HPS1: variants seen among roughly 807,000 people sequenced by gnomAD.
HPS1 encodes BLOC-3 complex member HPS1.
In HPS1, 59 loss-of-function variants were observed where a neutral mutation model predicts 90.6. That is an observed-to-expected ratio of 0.65 (90% CI 0.53 to 0.81). HPS1 has a LOEUF of 0.81. HPS1 is among the 30% of genes least tolerant of loss of function. The pLI is 0.00. For synonymous variants in HPS1, 388 were observed against 384.4 expected (o/e 1.01, Z -0.11); for missense variants, 849 against 896.7 (o/e 0.95, Z 0.68).
chr10:98,427,813 T>C (rs1446803614), intron 10 of HPS1, among the ~76,000 whole-genome samples: 4 of 152,246 alleles, frequency 2.6e-5, no homozygotes, highest in Non-Finnish European at 5.9e-5. Flanking sequence ...GTGTCTGTAA[T>C]AATACTGTTA....
At chr10:98,422,660 T>A in intron 16 of HPS1, 147 bp from the exon 17 acceptor site, 1 of 803,890 alleles carries the variant, frequency 1.2e-6, no homozygotes, top group Non-Finnish European at 2.1e-6. Context: ...GCCCCCTGTA[T>A]CCTTGCTTCC....
rs200614367 is a variant in HPS1 at position 98,434,140 on chromosome 10, T to TC, written c.399-50dup. 1.2e-3 allele frequency: 1,875 copies of TC among 1,526,808 alleles called. 12 individuals carry two copies. In the African/African-American group the frequency reaches 0.02, roughly 16 times the overall value. The allele number at this position is 1,526,808 out of a possible 1,614,324, so 94.6% of individuals were successfully genotyped here. ...GGGAGAGATCACAAGAAAGCTGGTC[T>TC]CCCCCACACCCAACCAAAGGACCAC... is the stretch of plus-strand genomic sequence containing the variant. On this transcript the variant is annotated intron_variant, in intron 5 of 19. Coordinates refer to ENST00000361490, the MANE Select transcript of HPS1 (RefSeq NM_000195.5).
chr10:98,419,547 C>T (rs1844580823), intron 18 of HPS1, among the ~76,000 whole-genome samples: 1 of 152,232 alleles, frequency 6.6e-6, no homozygotes, highest in East Asian at 1.9e-4. Context: ...TCTGCAGTAA[C>T]AGTGAGGCCC....
At chr10:98,427,126 C>T in intron 11 of HPS1, 89 bp downstream of exon 11, 3 of 1,126,050 alleles carry the variant, frequency 2.7e-6, no homozygotes, top group Admixed American at 2.0e-5. Context: ...CGGGTAGAGT[C>T]ACCCTGGAGG....
At chr10:98,432,848 T>G (rs1255217508) in intron 6 of HPS1, among the ~76,000 whole-genome samples, 1 of 152,216 alleles carries the variant, frequency 6.6e-6, no homozygotes, top group Non-Finnish European at 1.5e-5. Context: ...AGTTCACGTT[T>G]GTTTGATCTT....
In HPS1 at chr10:98,427,262, T is replaced by C. The variant is rs979661361; in HGVS notation, c.940A>G (p.Ser314Gly). 7.1e-6 allele frequency: 11 copies of C among 1,550,884 alleles called. No homozygotes were observed. The highest frequency in any genetic ancestry group is 5.9e-5 in the Admixed American group (3 of 50,984). The change falls in exon 11 of 20, where the codon AGC becomes GGC. Residue 314 changes from serine to glycine, a missense_variant and splice_region_variant. Coordinates refer to ENST00000361490, the MANE Select transcript of HPS1 (RefSeq NM_000195.5). ...GTGCCCCCCTCCAGCCAGATGGTGCTACCTGCAGGCCACAGGTAATAACAT... is the reference window on the plus strand; with the variant it reads ...GTGCCCCCCTCCAGCCAGATGGTGCCACCTGCAGGCCACAGGTAATAACAT... ...APSPGDQSSG[S>G]TIWLEGGTPP...
In HPS1 at chr10:98,434,602, T is replaced by A. The variant is rs558844540; in HGVS notation, c.399-511A>T. 3.9e-5 allele frequency among the ~76,000 whole-genome samples: 6 copies of A among 152,006 alleles called. No individual in the cohort carries two copies. The South Asian group carries it at 1.3e-3, about 32-fold the overall frequency. On this transcript the variant is annotated intron_variant, in intron 5 of 19. Transcript: ENST00000361490. ...TTTGTGCATTTGAGAAATGCCTCAA[T>A]ATGGGTAGTTGCTCATATCGCCACA...
At chr10:98,444,062 A>G (rs1938983387) in intron 2 of HPS1, among the ~76,000 whole-genome samples, 1 of 151,430 alleles carries the variant, frequency 6.6e-6, no homozygotes, top group South Asian at 2.1e-4. Context: ...AAACAAACAA[A>G]CAAACAAAAA....
At chr10:98,422,218 C>T (rs1344822734) in intron 17 of HPS1, 151 bp downstream of exon 17, 23 of 773,484 alleles carry the variant, frequency 3.0e-5, no homozygotes, top group South Asian at 2.5e-4. Flanking sequence ...AAATACTTGT[C>T]GAGCATTTAT....
Position 98,425,554 on chromosome 10 carries a change from GC to G in HPS1, c.1321del (p.Ala441HisfsTer34). ...RMDKFVKNRG[A>X]QEIQSTWLEF... ...CTTGGGTCTCACCTGAATCTCCTGT[GC>G]CCCTCGATTCTTGACAAACTTGTCC... On this transcript the variant is annotated frameshift_variant, in exon 13 of 20. Transcript: ENST00000361490. LOFTEE classifies it high-confidence loss of function. 6.2e-7 allele frequency: 1 copy of G among 1,611,296 alleles called. No homozygotes were observed. Among genetic ancestry groups the G allele is most frequent in the Non-Finnish European group, 8.5e-7 (1 of 1,178,910 alleles).
In HPS1 at chr10:98,424,393, G is replaced by A; in HGVS notation, c.1336-19C>T. The A allele has an allele frequency of 6.2e-7, 1 of 1,608,928 alleles. No individual in the cohort carries two copies. Among genetic ancestry groups the A allele is most frequent in the East Asian group, 2.2e-5 (1 of 44,836 alleles). Reference sequence around the variant, plus strand: ...AGGTGCTCTGGAAGGAAGACAGGGGGCAGGTTTGCATCCCGACCATATTTC... The same window carrying A: ...AGGTGCTCTGGAAGGAAGACAGGGGACAGGTTTGCATCCCGACCATATTTC... On this transcript the variant is annotated intron_variant, in intron 13 of 19. Transcript: ENST00000361490.
chr10:98,417,510 C>CA lies in HPS1; in HGVS notation c.*53dup. 1 of 1,508,404 alleles carries CA rather than the reference C, an allele frequency of 6.6e-7. No individual in the cohort carries two copies. The highest frequency in any genetic ancestry group is 2.3e-5 in the East Asian group (1 of 43,252). The allele number at this position is 1,508,404 out of a possible 1,614,324, so 93.4% of individuals were successfully genotyped here. On this transcript the variant is annotated 3_prime_UTR_variant, in exon 20 of 20. Transcript: ENST00000361490. This position sits in a 1 kb window ranked among gnomAD's most constrained non-coding sequence, Gnocchi z 4.2. The stretch of plus-strand genomic sequence containing the variant: ...AGGCTCTCGTCATGGGGAACAGTGG[C>CA]AAGCAAGGGTGGCTGGAGGACAGGA...
At position 98,431,156 on chromosome 10, in the gene HPS1, A is replaced by C; in HGVS notation, c.643T>G (p.Ser215Ala). The C allele has an allele frequency of 6.2e-7, 1 of 1,614,182 alleles. No individual in the cohort carries two copies. Among genetic ancestry groups the C allele is most frequent in the Non-Finnish European group, 8.5e-7 (1 of 1,180,030 alleles). ...CTAGAGTAGAATGCCAGCAGCTTGG[A>C]GTGCACGAGCAGGAAGGCATGCAGG... ...EALHAFLLVH[S>A]KLLAFYSSHS... Residue 215 changes from serine to alanine, a missense_variant, in exon 7 of 20, where the codon TCC becomes GCC. Physicochemically the swap from Ser to Ala is moderately conservative, Grantham distance 99. Coordinates refer to ENST00000361490, the MANE Select transcript of HPS1 (RefSeq NM_000195.5).
Position 98,417,496 on chromosome 10 carries a change from A to G in HPS1, c.*68T>C, listed in dbSNP as rs1309676638. 5.7e-6 allele frequency: 8 copies of G among 1,407,940 alleles called. No homozygotes were observed. The highest frequency in any genetic ancestry group is 7.8e-6 in the Non-Finnish European group (8 of 1,020,502). 87.2% of individuals were successfully genotyped at this position (1,407,940 alleles called of 1,614,324 possible). On this transcript the variant is annotated 3_prime_UTR_variant, in exon 20 of 20. Transcript: ENST00000361490. This position sits in a 1 kb window ranked among gnomAD's most constrained non-coding sequence, Gnocchi z 4.2. ...CCACTGCAGACAGGAGGCTCTCGTC[A>G]TGGGGAACAGTGGCAAGCAAGGGTG...
In HPS1 at chr10:98,429,584, TCGCCAGGGGAAGGAGCTGGTGTGAAGTA is replaced by T; in HGVS notation, c.898_925del (p.Tyr300IlefsTer22). ...CCTCCGGTCCTCACCTGAGCTCTGATCGCCAGGGGAAGGAGCTGGTGTGAAGTACTCCTCAGGGAGGGAGAAGCTGTCT... is the reference window on the plus strand; with the variant it reads ...CCTCCGGTCCTCACCTGAGCTCTGATCTCCTCAGGGAGGGAGAAGCTGTCT... On this transcript the variant is annotated frameshift_variant, in exon 10 of 20. Coordinates refer to ENST00000361490, the MANE Select transcript of HPS1 (RefSeq NM_000195.5). LOFTEE classifies it high-confidence loss of function. 6.2e-7 allele frequency: 1 copy of T among 1,614,170 alleles called. No homozygotes were observed. Among genetic ancestry groups the T allele is most frequent in the Non-Finnish European group, 8.5e-7 (1 of 1,180,016 alleles).
chr10:98,420,132 G>A lies in HPS1; in HGVS notation c.1770C>T (p.Arg590=). The A allele has an allele frequency of 6.2e-7, 1 of 1,613,804 alleles. No individual in the cohort carries two copies. The part of the protein sequence containing the change: ...TKVWSLIQLA[R]RYLQKGYTTL... Reference sequence around the variant, plus strand: ...TGGTGTAGCCCTTCTGCAGGTATCTGCGCGCCAGCTGGATCAGAGACCAGA... The same window carrying A: ...TGGTGTAGCCCTTCTGCAGGTATCTACGCGCCAGCTGGATCAGAGACCAGA... Residue 590 remains arginine, a synonymous_variant, in exon 18 of 20, where the codon CGC becomes CGT. Transcript: ENST00000361490.
In HPS1 at chr10:98,425,850, A is replaced by G. The variant is rs541655491; in HGVS notation, c.1123T>C (p.Trp375Arg). 1.9e-6 allele frequency: 3 copies of G among 1,613,908 alleles called. No individual in the cohort carries two copies. The highest frequency in any genetic ancestry group is 2.5e-6 in the Non-Finnish European group (3 of 1,179,966). The change falls in exon 12 of 20, where the codon TGG (tryptophan) becomes CGG (arginine). Residue 375 changes from tryptophan to arginine, a missense_variant. Coordinates refer to ENST00000361490, the MANE Select transcript of HPS1 (RefSeq NM_000195.5). ...VPHTMYCLPL[W>R]QGINLVLLTR... The stretch of plus-strand genomic sequence containing the variant: ...AGGAGCACCAGGTTGATGCCCTGCC[A>G]CAGGGGCAGGCAGTACATGGTGTGG...
At position 98,418,215 on chromosome 10, in the gene HPS1, C is replaced by G; in HGVS notation, c.1900G>C (p.Asp634His). 6.2e-7 allele frequency: 1 copy of G among 1,610,660 alleles called. No individual in the cohort carries two copies. Among genetic ancestry groups the G allele is most frequent in the Non-Finnish European group, 8.5e-7 (1 of 1,177,788 alleles). ...QMIEVPVLSD[D>H]SVPIGMLGGD... ...CCCAGCATGCCGATAGGCACTGAGT[C>G]GTCGGAGAGGACGGGCACCTCGATC... Residue 634 changes from aspartate to histidine, a missense_variant, in exon 19 of 20, where the codon GAC (aspartate) becomes CAC (histidine). By Grantham distance (81) the Asp-to-His change is moderately conservative (BLOSUM62 -1). Coordinates refer to ENST00000361490, the MANE Select transcript of HPS1 (RefSeq NM_000195.5).
Position 98,422,393 on chromosome 10 carries a change from C to T in HPS1, c.1719G>A (p.Pro573=), listed in dbSNP as rs766775901. Residue 573 remains proline, a synonymous_variant, in exon 17 of 20, where the codon CCG becomes CCA. Coordinates refer to ENST00000361490, the MANE Select transcript of HPS1 (RefSeq NM_000195.5). ...CCTTAGTTTTGACAAAGGCAGCCAGCGGCCCCTTGCCCAACTCCGACGAGG... is the reference window on the plus strand; with the variant it reads ...CCTTAGTTTTGACAAAGGCAGCCAGTGGCCCCTTGCCCAACTCCGACGAGG... ...QKTSSELGKG[P]LAAFVKTKVW... 15 of 1,614,000 alleles carry T rather than the reference C, an allele frequency of 9.3e-6. No homozygotes were observed. In the Admixed American group the frequency reaches 1.2e-4, roughly 13 times the overall value.
Sources: allele counts gnomAD v4.1 joint callset (sites outside exome capture counted in the v4.1 genomes callset), GRCh38; gene constraint gnomAD v4.1.1; non-coding constraint Gnocchi (gnomAD v3.1); transcripts MANE v1.5; gene names NCBI Gene and HGNC (gene_info 2026-07-23, HGNC 2026-07-21).